The following ARHGEF3 variants were observed in gnomAD, a reference collection of about 807,000 sequenced individuals.
ARHGEF3 encodes Rho guanine nucleotide exchange factor 3, also known as 59.8 kDA protein.
Under a neutral mutation model 63.2 loss-of-function variants are expected in ARHGEF3, and 28 were observed. That is an observed-to-expected ratio of 0.44 (90% CI 0.33 to 0.61). The LOEUF is 0.61. Among genes scored for constraint, ARHGEF3 ranks in the 20% least tolerant of loss-of-function variants. The probability of loss-of-function intolerance (pLI) is 0.03; values close to 1 mark genes in which losing one functional copy is unlikely to be tolerated. For synonymous variants in ARHGEF3, 266 were observed against 254.2 expected, an observed-to-expected ratio of 1.05 and a Z score of -0.44; for missense variants, 533 against 659.3, an observed-to-expected ratio of 0.81 and a Z score of 2.10.
At chr3:56,780,925 T>C (rs994171887) in intron 1 of ARHGEF3, among the ~76,000 whole-genome samples, 2 of 152,232 alleles carry the variant, frequency 1.3e-5, no homozygotes, top group African/African-American at 4.8e-5. Context: ...AAGATAAGTG[T>C]AAGTTCTTAC....
At chr3:57,025,081 C>A (rs1212671535) in intron 2 of ARHGEF3, among the ~76,000 whole-genome samples, 2 of 152,122 alleles carry the variant, frequency 1.3e-5, no homozygotes, top group Non-Finnish European at 2.9e-5. Flanking sequence ...AAACACAGAA[C>A]GTGGATCTGA....
intron 1 of ARHGEF3, among the ~76,000 whole-genome samples, chr3:56,782,231 T>A (rs971106155): frequency 1.8e-4 from 28 of 152,194 alleles, no homozygotes; most frequent in African/African-American, 6.8e-4. Context: ...TCCCAGAAGA[T>A]GAAAGACAAA....
rs71072191 is a variant in ARHGEF3, at chr3:56,741,496, CTTTTTTTT to C, written c.870+3701_870+3708del. 1.4e-4 allele frequency among the ~76,000 whole-genome samples: 7 copies of C among 50,536 alleles called. No individual in the cohort carries two copies. The South Asian group carries it at 5.5e-3, about 40-fold the overall frequency. The allele number at this position is 50,536 out of a possible 152,430, so 33.2% of individuals were successfully genotyped here. ...ACTGCTCCTGGCCTCTACATTGGTT[CTTTTTTTT>C]TTTTTTTTTTTTTTTTTTTGAGATG... On this transcript the variant is annotated intron_variant, in intron 7 of 9. Coordinates refer to ENST00000296315, the MANE Select transcript of ARHGEF3 (RefSeq NM_019555.3).
At chr3:56,819,715 C>T (rs570350011) in intron 4 of ARHGEF3, among the ~76,000 whole-genome samples, 86 of 151,592 alleles carry the variant, frequency 5.7e-4, no homozygotes, top group Non-Finnish European at 1.1e-3. Context: ...AAATGGGGGT[C>T]TTACTACGTT....
chr3:56,863,390 C>G (rs1420093070), intron 4 of ARHGEF3, among the ~76,000 whole-genome samples: 1 of 151,718 alleles, frequency 6.6e-6, no homozygotes, highest in Non-Finnish European at 1.5e-5. Flanking sequence ...ACCTCTAAAT[C>G]CCAGGTTCAA....
intron 1 of ARHGEF3, among the ~76,000 whole-genome samples, chr3:56,788,257 T>C (rs2036920398): frequency 6.6e-6 from 1 of 152,174 alleles, no homozygotes; most frequent in African/African-American, 2.4e-5. Flanking sequence ...CACTTCTCAG[T>C]ATTCCCCCTC....
chr3:56,958,582 T>C (rs948295170), intron 3 of ARHGEF3, among the ~76,000 whole-genome samples: 5 of 152,188 alleles, frequency 3.3e-5, no homozygotes, highest in East Asian at 3.9e-4. Flanking sequence ...TCCTCCCACA[T>C]TGGCCTCCCA....
intron 7 of ARHGEF3, among the ~76,000 whole-genome samples, chr3:56,738,000 C>T (rs1156358910): frequency 5.3e-5 from 8 of 152,116 alleles, no homozygotes; most frequent in Non-Finnish European, 5.9e-5. Context: ...TCCCAAGTAG[C>T]TGGGATTACA....
At chr3:56,963,807 C>A (rs1341551645) in intron 2 of ARHGEF3, among the ~76,000 whole-genome samples, 1 of 152,172 alleles carries the variant, frequency 6.6e-6, no homozygotes, top group Non-Finnish European at 1.5e-5. Context: ...TTTTTAGTTT[C>A]TGTTTTTAGG....
chr3:56,969,574 C>T (rs188460719), intron 2 of ARHGEF3, among the ~76,000 whole-genome samples: 1 of 151,764 alleles, frequency 6.6e-6, no homozygotes, highest in African/African-American at 2.4e-5. Context: ...AGATCAAGAC[C>T]ATCCTGGCCA....
chr3:56,826,173 GAA>G (rs962263455), intron 4 of ARHGEF3, among the ~76,000 whole-genome samples: 1 of 152,160 alleles, frequency 6.6e-6, no homozygotes, highest in Non-Finnish European at 1.5e-5. Context: ...GAAGTGAGGA[GAA>G]AAAGAGATTC....
chr3:56,889,016 G>T (rs1272864759), intron 3 of ARHGEF3, among the ~76,000 whole-genome samples: 1 of 152,100 alleles, frequency 6.6e-6, no homozygotes, highest in Non-Finnish European at 1.5e-5. Context: ...ATGGAGATAT[G>T]GGTATTCCTG....
intron 1 of ARHGEF3, among the ~76,000 whole-genome samples, chr3:57,062,702 GCA>G (rs148193521): frequency 1.5e-4 from 23 of 150,166 alleles, no homozygotes; most frequent in South Asian, 4.2e-4. Flanking sequence ...CTACACACAT[GCA>G]CACACACACA....
intron 4 of ARHGEF3, among the ~76,000 whole-genome samples, chr3:56,848,285 C>T (rs899780809): frequency 2.0e-5 from 3 of 152,100 alleles, no homozygotes; most frequent in East Asian, 1.9e-4. Flanking sequence ...ACTCATCTCT[C>T]GAATTTTGTG....
chr3:56,948,042 G>A (rs1229907566), intron 3 of ARHGEF3, among the ~76,000 whole-genome samples: 3 of 152,116 alleles, frequency 2.0e-5, no homozygotes, highest in East Asian at 1.9e-4. Context: ...GGTACATAAC[G>A]AAATGAAGGC....
chr3:56,778,872 A>C (rs1027537057), intron 1 of ARHGEF3, among the ~76,000 whole-genome samples: 4 of 152,196 alleles, frequency 2.6e-5, no homozygotes, highest in Non-Finnish European at 4.4e-5. Context: ...TTCAATCATT[A>C]TAACATGTAG....
intron 3 of ARHGEF3, among the ~76,000 whole-genome samples, chr3:56,923,564 G>A (rs1387526497): frequency 6.6e-6 from 1 of 151,938 alleles, no homozygotes; most frequent in Non-Finnish European, 1.5e-5. Flanking sequence ...AAAAAAATGA[G>A]AGCATAGTTA....
rs2035951697 is a variant in ARHGEF3 at position 56,770,558 on chromosome 3, C to T, written c.204+3151G>A. ...TGGAAATAATGCCATAGAAGTTGCA[C>T]CGTGTGCACCAAGGTGAGTTACAAG... On this transcript the variant is annotated intron_variant, in intron 2 of 9. Coordinates refer to ENST00000296315, the MANE Select transcript of ARHGEF3 (RefSeq NM_019555.3). Among the ~76,000 whole-genome samples, 4 of 152,070 alleles carry T rather than the reference C, an allele frequency of 2.6e-5. No individual in the cohort carries two copies. In the South Asian group the frequency reaches 8.3e-4, roughly 32 times the overall value.
intron 1 of ARHGEF3, among the ~76,000 whole-genome samples, chr3:56,782,262 C>T (rs1031363608): frequency 2.0e-5 from 3 of 152,168 alleles, no homozygotes; most frequent in African/African-American, 7.2e-5. Flanking sequence ...CAAATCCCAA[C>T]GGAAACCTGA....
Sources: allele counts gnomAD v4.1 joint callset (sites outside exome capture counted in the v4.1 genomes callset), GRCh38; gene constraint gnomAD v4.1.1; transcripts MANE v1.5; gene names NCBI Gene and HGNC (gene_info 2026-07-23, HGNC 2026-07-21).